The following SLIT3 variants were observed in gnomAD, a reference collection of about 807,000 sequenced individuals.
The protein encoded by SLIT3 is slit homolog 3 protein.
In SLIT3, 68 loss-of-function variants were observed where a neutral mutation model predicts 184.0. The ratio of observed to expected loss-of-function variants is 0.37; its 90% CI spans 0.30 to 0.45. The LOEUF is 0.45. Among genes scored for constraint, SLIT3 ranks in the 20% least tolerant of loss-of-function variants. SLIT3 has a pLI of 1.00. For synonymous variants in SLIT3, 831 were observed against 828.6 expected, an observed-to-expected ratio of 1.00 and a Z score of -0.05; for missense variants, 1,707 against 2,026.0, an observed-to-expected ratio of 0.84 and a Z score of 3.02.
At chr5:168,940,959 T>C (rs1355658558) in intron 4 of SLIT3, among the ~76,000 whole-genome samples, 1 of 152,154 alleles carries the variant, frequency 6.6e-6, no homozygotes, top group Non-Finnish European at 1.5e-5. Flanking sequence ...TCCTGAGTTA[T>C]AGAAGCAAGG....
chr5:168,791,185 A>G (rs1238562738), intron 10 of SLIT3: 1 of 151,988 alleles, frequency 6.6e-6, no homozygotes, highest in Non-Finnish European at 1.5e-5. Context: ...TTTAGACTGG[A>G]CTAGCGGGAA....
At chr5:169,220,732 A>G (rs994523240) in intron 3 of SLIT3, among the ~76,000 whole-genome samples, 4 of 152,212 alleles carry the variant, frequency 2.6e-5, no homozygotes, top group African/African-American at 9.7e-5. Flanking sequence ...AGTAGTCAAT[A>G]GTAACAATAA....
At chr5:169,105,181 T>C (rs959357095) in intron 4 of SLIT3, among the ~76,000 whole-genome samples, 7 of 152,198 alleles carry the variant, frequency 4.6e-5, no homozygotes, top group African/African-American at 1.7e-4. Context: ...CAGGGTTTCT[T>C]TTATTTTTTC....
At chr5:169,128,143 T>A (rs1341655704) in intron 4 of SLIT3, among the ~76,000 whole-genome samples, 1 of 151,250 alleles carries the variant, frequency 6.6e-6, no homozygotes, top group Non-Finnish European at 1.5e-5. Context: ...TTAAAAAGCA[T>A]GTTATATAAT....
chr5:168,806,503 C>T lies in SLIT3; in HGVS notation c.878G>A (p.Cys293Tyr). The part of the protein sequence containing the change: ...PCTCSNNIVD[C>Y]RGKGLMEIPA... ...AATCTCCATCAAGCCCTTTCCTCGACAGTCCACGATGTTATTGCTGCACGT... is the reference window on the plus strand; with the variant it reads ...AATCTCCATCAAGCCCTTTCCTCGATAGTCCACGATGTTATTGCTGCACGT... Residue 293 changes from cysteine to tyrosine, a missense_variant, in exon 9 of 36, where the codon TGT becomes TAT. Physicochemically the swap from Cys to Tyr is radical, Grantham distance 194. Transcript: ENST00000519560. The T allele has an allele frequency of 1.2e-6, 2 of 1,614,196 alleles. No individual in the cohort carries two copies. Among genetic ancestry groups the T allele is most frequent in the Non-Finnish European group, 1.7e-6 (2 of 1,180,024 alleles).
intron 12 of SLIT3, among the ~76,000 whole-genome samples, chr5:168,780,984 C>G (rs1400436336): frequency 6.6e-6 from 1 of 152,210 alleles, no homozygotes. Flanking sequence ...CAAGGGGAAA[C>G]AGGAGGAGCC....
intron 4 of SLIT3, among the ~76,000 whole-genome samples, chr5:168,942,725 A>G (rs190510752): frequency 3.3e-5 from 5 of 152,248 alleles, no homozygotes; most frequent in Admixed American, 2.0e-4. Context: ...GGCATTAGAC[A>G]TTGGCTGGTC....
chr5:168,758,071 T>A (rs1755015896), intron 16 of SLIT3, among the ~76,000 whole-genome samples: 1 of 152,190 alleles, frequency 6.6e-6, no homozygotes, highest in Non-Finnish European at 1.5e-5. Context: ...TTGGCAGCCC[T>A]CACTTTTATT....
intron 4 of SLIT3, among the ~76,000 whole-genome samples, chr5:168,967,178 T>G (rs1270196875): frequency 1.3e-5 from 2 of 152,036 alleles, no homozygotes; most frequent in South Asian, 2.1e-4. Flanking sequence ...AGTGAGAAGG[T>G]AGGTTTCCAA....
At chr5:168,736,979 G>A (rs1763457636) in intron 20 of SLIT3, among the ~76,000 whole-genome samples, 1 of 152,224 alleles carries the variant, frequency 6.6e-6, no homozygotes, top group Non-Finnish European at 1.5e-5. Flanking sequence ...TGTTAGCAGG[G>A]TGAAATGAGA....
At chr5:169,151,115 G>A (rs1762100802) in intron 4 of SLIT3, among the ~76,000 whole-genome samples, 1 of 152,192 alleles carries the variant, frequency 6.6e-6, no homozygotes, top group South Asian at 2.1e-4. Flanking sequence ...ACACAGAAGA[G>A]AAGTGAAAGG....
intron 8 of SLIT3, among the ~76,000 whole-genome samples, chr5:168,814,637 A>G (rs899643516): frequency 6.6e-6 from 1 of 152,232 alleles, no homozygotes; most frequent in African/African-American, 2.4e-5. Flanking sequence ...ACCTTCCTCC[A>G]CATTGCTTCC....
intron 3 of SLIT3, among the ~76,000 whole-genome samples, chr5:169,228,416 A>C (rs1430500168): frequency 6.6e-6 from 1 of 152,182 alleles, no homozygotes; most frequent in Non-Finnish European, 1.5e-5. Context: ...TTACTGGGTG[A>C]CAAGGAGTGA....
chr5:168,680,529 C>A (rs932791059), intron 32 of SLIT3, among the ~76,000 whole-genome samples: 6 of 152,258 alleles, frequency 3.9e-5, no homozygotes, highest in Non-Finnish European at 2.9e-5. Flanking sequence ...GCTGCCAACT[C>A]CCCCAGTTAG....
chr5:168,885,424 G>T (rs1445181970), intron 4 of SLIT3, among the ~76,000 whole-genome samples: 3 of 152,212 alleles, frequency 2.0e-5, no homozygotes, highest in African/African-American at 7.2e-5. Flanking sequence ...GACAGCAGAG[G>T]TCAGGCGGTG....
chr5:169,055,613 G>T (rs563379920), intron 4 of SLIT3, among the ~76,000 whole-genome samples: 7 of 152,124 alleles, frequency 4.6e-5, no homozygotes, highest in Non-Finnish European at 8.8e-5. Flanking sequence ...AGGCCAAGGC[G>T]GGTGGATCAT....
intron 9 of SLIT3, among the ~76,000 whole-genome samples, chr5:168,797,048 C>A (rs1442789158): frequency 6.6e-6 from 1 of 151,762 alleles, no homozygotes; most frequent in Non-Finnish European, 1.5e-5. Flanking sequence ...GCCTTTGTAC[C>A]CTGCTGGAGG....
chr5:168,904,626 T>A (rs566511849), intron 4 of SLIT3, among the ~76,000 whole-genome samples: 1 of 152,186 alleles, frequency 6.6e-6, no homozygotes, highest in Admixed American at 6.5e-5. Context: ...CACTGCAAAA[T>A]GCTAATTCCA....
rs116519254 is a variant in SLIT3 at position 168,853,735 on chromosome 5, T to C, written c.486-9080A>G. 8.6e-3 allele frequency among the ~76,000 whole-genome samples: 1,313 copies of C among 152,320 alleles called. 22 individuals are homozygous for C. Among genetic ancestry groups the C allele is most frequent in the African/African-American group, 0.029 (1,224 of 41,562 alleles). ...TGCTCACGATGACTGTAAGAGATGC[T>C]GCTCCTCTGGAAACAGCCCAGACTC... On this transcript the variant is annotated intron_variant, in intron 5 of 35. Transcript: ENST00000519560.
Sources: gnomAD v4.1 joint callset for allele counts (sites outside exome capture counted in the v4.1 genomes callset) on GRCh38, gnomAD v4.1.1 for gene constraint, MANE v1.5 for transcripts, NCBI Gene and HGNC (gene_info 2026-07-23, HGNC 2026-07-21) for gene names.